NYAP2: variants seen among roughly 807,000 people sequenced by gnomAD.
NYAP2 encodes neuronal tyrosine-phosphorylated phosphoinositide-3-kinase adaptor 2.
Under a neutral mutation model 50.4 loss-of-function variants are expected in NYAP2, and 23 were observed. The ratio of observed to expected loss-of-function variants is 0.46; its 90% CI spans 0.33 to 0.65. The LOEUF (loss-of-function observed/expected upper bound fraction) is 0.65, where lower values mean the gene tolerates loss of function less well. NYAP2 is among the 30% of genes least tolerant of loss of function. The pLI, the probability that NYAP2 is intolerant of heterozygous loss-of-function variation, is 0.02. For synonymous variants in NYAP2, 394 were observed against 365.2 expected, an observed-to-expected ratio of 1.08 and a Z score of -0.90; for missense variants, 885 against 861.0, an observed-to-expected ratio of 1.03 and a Z score of -0.35.
At chr2:225,441,216 C>A (rs1295983403) in intron 3 of NYAP2, among the ~76,000 whole-genome samples, 1 of 152,170 alleles carries the variant, frequency 6.6e-6, no homozygotes, top group African/African-American at 2.4e-5. Flanking sequence ...TAATACTACA[C>A]AATAGTCTAC....
intron 3 of NYAP2, among the ~76,000 whole-genome samples, chr2:225,454,337 C>CAAAACA (rs951264184): frequency 6.6e-6 from 1 of 151,920 alleles, no homozygotes; most frequent in Admixed American, 6.6e-5. Flanking sequence ...TCTCAAAAAA[C>CAAAACA]AAAACAAAAA....
chr2:225,543,406 G>A (rs1009036534), intron 4 of NYAP2, among the ~76,000 whole-genome samples: 3 of 151,502 alleles, frequency 2.0e-5, no homozygotes, highest in Non-Finnish European at 4.4e-5. Context: ...AAAAACTTCT[G>A]TTTTATGACT....
chr2:225,678,499 C>T, the NYAP2 span, among the ~76,000 whole-genome samples: 4 of 152,200 alleles, frequency 2.6e-5, no homozygotes, highest in South Asian at 2.1e-4. Context: ...CCTCTCATTG[C>T]ATCCCTTACT....
At position 225,505,055 on chromosome 2, in the gene NYAP2, T is replaced by C. The variant is rs145800527; in HGVS notation, c.222-8316T>C. Among the ~76,000 whole-genome samples the C allele has an allele frequency of 4.6e-5, 7 of 152,042 alleles. 1 individual carries two copies. In the East Asian group the frequency reaches 1.4e-3, roughly 29 times the overall value. On this transcript the variant is annotated intron_variant, in intron 3 of 6. Transcript: ENST00000636099. ...ATCATCATTATCTTAAAGTATAATA[T>C]CTGGAACTAATGGAAACTGAGTCCT...
At chr2:225,620,446 CACGCACGCACACACGCGCAT>C (rs1224333663) in intron 5 of NYAP2, among the ~76,000 whole-genome samples, 4 of 148,264 alleles carry the variant, frequency 2.7e-5, no homozygotes, top group African/African-American at 2.5e-5. Flanking sequence ...CACGCACGCA[CACGCACGCACACACGCGCAT>C]GCACACGCAC....
At chr2:225,625,056 A>T (rs1455570132) in intron 5 of NYAP2, among the ~76,000 whole-genome samples, 2 of 150,876 alleles carry the variant, frequency 1.3e-5, no homozygotes, top group Non-Finnish European at 3.0e-5. Context: ...AAAAAAAAAA[A>T]AAAAAAAAAA....
intron 5 of NYAP2, among the ~76,000 whole-genome samples, chr2:225,619,357 T>C (rs1693047955): frequency 6.6e-6 from 1 of 152,204 alleles, no homozygotes; most frequent in Non-Finnish European, 1.5e-5. Flanking sequence ...TTTTAAGAGC[T>C]TGTGCCCCCA....
the NYAP2 span, among the ~76,000 whole-genome samples, chr2:225,659,409 G>A: frequency 7.9e-5 from 12 of 152,238 alleles, no homozygotes; most frequent in East Asian, 1.5e-3. Flanking sequence ...GACTGGGCTC[G>A]GAGCATGCCT....
Position 225,410,773 on chromosome 2 carries a change from A to G in NYAP2, c.221+1672A>G, listed in dbSNP as rs567874633. 2.5e-4 allele frequency among the ~76,000 whole-genome samples: 38 copies of G among 152,230 alleles called. 1 individual carries two copies. The highest frequency in any genetic ancestry group is 9.1e-4 in the African/African-American group (38 of 41,564). On this transcript the variant is annotated intron_variant, in intron 3 of 6. Transcript: ENST00000636099. ...ATTCATAGTTGTTAAGACAACAAAAATGGCTAATTTTTAGGTGCTTAACTG... is the reference window on the plus strand; with the variant it reads ...ATTCATAGTTGTTAAGACAACAAAAGTGGCTAATTTTTAGGTGCTTAACTG...
chr2:225,602,132 T>C (rs1692702445), intron 5 of NYAP2, among the ~76,000 whole-genome samples: 5 of 152,156 alleles, frequency 3.3e-5, no homozygotes, highest in Admixed American at 3.3e-4. Context: ...GGACTCAGTC[T>C]GGGGTTTTTA....
chr2:225,655,695 A>T (rs1693809357), downstream of NYAP2, among the ~76,000 whole-genome samples: 1 of 152,106 alleles, frequency 6.6e-6, no homozygotes, highest in African/African-American at 2.4e-5. Context: ...AGTGCCATCT[A>T]TACTCTTGCT....
At chr2:225,420,582 G>A (rs928668143) in intron 3 of NYAP2, among the ~76,000 whole-genome samples, 1 of 148,440 alleles carries the variant, frequency 6.7e-6, no homozygotes, top group African/African-American at 2.5e-5. Context: ...CAGGGAAAGA[G>A]GAGTTCTTTT....
intron 3 of NYAP2, among the ~76,000 whole-genome samples, chr2:225,446,212 G>GTCTC (rs1248447966): frequency 2.5e-4 from 12 of 47,246 alleles, no homozygotes; most frequent in East Asian, 7.0e-4. Context: ...CTGTCTGTCT[G>GTCTC]TCTGTCTCTC....
At chr2:225,656,373 C>G (rs1473481730), downstream of NYAP2, among the ~76,000 whole-genome samples, 1 of 152,200 alleles carries the variant, frequency 6.6e-6, no homozygotes, top group Non-Finnish European at 1.5e-5. Context: ...AGCCCCGTTC[C>G]TTTCAACTTG....
At chr2:225,617,732 C>T (rs985815627) in intron 5 of NYAP2, among the ~76,000 whole-genome samples, 2 of 152,132 alleles carry the variant, frequency 1.3e-5, no homozygotes, top group Non-Finnish European at 2.9e-5. Context: ...ATTTTGACAA[C>T]AGCAACTAAC....
chr2:225,540,241 C>T (rs1455854087), intron 4 of NYAP2, among the ~76,000 whole-genome samples: 2 of 152,212 alleles, frequency 1.3e-5, no homozygotes, highest in Non-Finnish European at 2.9e-5. Context: ...TCCACTTATT[C>T]AGATATCTTT....
chr2:225,400,050 A>G lies in NYAP2; in HGVS notation c.-706A>G, dbSNP rs1167445601. 6.6e-6 allele frequency: 1 copy of G among 152,018 alleles called. No homozygotes were observed. Among genetic ancestry groups the G allele is most frequent in the Non-Finnish European group, 1.5e-5 (1 of 67,990 alleles). The allele number at this position is 152,018 out of a possible 1,614,324, so 9.4% of individuals were successfully genotyped here. A position where few individuals can be genotyped will look rare whatever the true frequency, so the allele number is the denominator to read the frequency against. On this transcript the variant is annotated 5_prime_UTR_variant, in exon 1 of 7. An upstream start codon of the reference 5' UTR is lost. Transcript: ENST00000636099. ...CTGTTGCCTAGATGTGAGGCCTTTA[A>G]TGAGGATGGGAGCCCCCAGGGAGCC...
intron 5 of NYAP2, among the ~76,000 whole-genome samples, chr2:225,621,319 T>A (rs1693100070): frequency 6.6e-6 from 1 of 152,256 alleles, no homozygotes; most frequent in Non-Finnish European, 1.5e-5. Flanking sequence ...GTTGGTTAAA[T>A]TATCTTTAAT....
chr2:225,692,480 G>C, the NYAP2 span, among the ~76,000 whole-genome samples: 2 of 152,012 alleles, frequency 1.3e-5, no homozygotes, highest in Non-Finnish European at 2.9e-5. Context: ...AGGATCATTA[G>C]ATGAGATTGT....
Sources: allele counts gnomAD v4.1 joint callset (sites outside exome capture counted in the v4.1 genomes callset), GRCh38; gene constraint gnomAD v4.1.1; transcripts MANE v1.5; gene names NCBI Gene and HGNC (gene_info 2026-07-23, HGNC 2026-07-21).